The following SV2B variants were observed in gnomAD, a reference collection of about 807,000 sequenced individuals.
SV2B encodes the protein synaptic vesicle glycoprotein 2B.
SV2B carries 41 observed loss-of-function variants against 73.9 expected under a neutral mutation model. That is an observed-to-expected ratio of 0.56 (90% CI 0.43 to 0.72). The LOEUF (loss-of-function observed/expected upper bound fraction) is 0.72, where lower values mean the gene tolerates loss of function less well. SV2B is among the 30% of genes least tolerant of loss of function. SV2B has a pLI of 0.00. For synonymous variants in SV2B, 314 were observed against 314.2 expected (o/e 1.00, Z 0.01); for missense variants, 764 against 857.8 (o/e 0.89, Z 1.37).
chr15:91,158,666 C>CTTCTCTTCTCTTCTT (rs1182339787), intron 1 of SV2B, among the ~76,000 whole-genome samples: 1 of 61,884 alleles, frequency 1.6e-5, no homozygotes. Context: ...CTTCTCTTCT[C>CTTCTCTTCTCTTCTT]TTCTCTTCTC....
At chr15:91,183,663 C>T (rs2044667268) in intron 1 of SV2B, among the ~76,000 whole-genome samples, 1 of 152,222 alleles carries the variant, frequency 6.6e-6, no homozygotes, top group African/African-American at 2.4e-5. Context: ...GCTTCACAGT[C>T]ATTTTGCGAT....
intron 1 of SV2B, among the ~76,000 whole-genome samples, chr15:91,180,184 T>C (rs2044493679): frequency 1.3e-5 from 2 of 152,230 alleles, no homozygotes; most frequent in Non-Finnish European, 2.9e-5. Context: ...AAATTTTGGG[T>C]TGAAAATTCT....
intron 1 of SV2B, among the ~76,000 whole-genome samples, chr15:91,204,414 G>T (rs1053733319): frequency 4.6e-5 from 7 of 152,008 alleles, no homozygotes; most frequent in African/African-American, 1.7e-4. Context: ...TGAAGATGAT[G>T]CCTTTATTTC....
At chr15:91,210,528 G>T (rs1338641751) in intron 1 of SV2B, among the ~76,000 whole-genome samples, 1 of 152,184 alleles carries the variant, frequency 6.6e-6, no homozygotes, top group East Asian at 1.9e-4. Context: ...TTTCTAGCCT[G>T]CCAGCTGCTC....
At chr15:91,177,070 A>G (rs998292468) in intron 1 of SV2B, among the ~76,000 whole-genome samples, 3 of 149,764 alleles carry the variant, frequency 2.0e-5, no homozygotes, top group African/African-American at 7.4e-5. Flanking sequence ...ATTTTTGTAT[A>G]AGGTGTAAGG....
chr15:91,221,693 G>GCGCGCGCGCGCGCACACACACACACA (rs370290337), intron 1 of SV2B, among the ~76,000 whole-genome samples: 1 of 140,066 alleles, frequency 7.1e-6, no homozygotes, highest in African/African-American at 2.8e-5. Context: ...AAGCATGTGC[G>GCGCGCGCGCGCGCACACACACACACA]CACACACACA....
Position 91,300,337 on chromosome 15 carries a change from C to T in SV2B, c.*7785C>T, listed in dbSNP as rs1207484115. Reference sequence around the variant, plus strand: ...ACTCTACCAGACCAAAAGGGTGTCTCTATTTTTTGTTGTTACTTCTCTGTT... The same window carrying T: ...ACTCTACCAGACCAAAAGGGTGTCTTTATTTTTTGTTGTTACTTCTCTGTT... On this transcript the variant is annotated 3_prime_UTR_variant, in exon 13 of 13. Transcript: ENST00000394232. 6.6e-6 allele frequency: 1 copy of T among 152,112 alleles called. No homozygotes were observed. Among genetic ancestry groups the T allele is most frequent in the Non-Finnish European group, 1.5e-5 (1 of 68,016 alleles). 9.4% of individuals were successfully genotyped at this position (152,112 alleles called of 1,614,324 possible).
At chr15:91,260,512 A>G in intron 6 of SV2B, 103 bp downstream of exon 6, 1 of 825,316 alleles carries the variant, frequency 1.2e-6, no homozygotes, top group East Asian at 2.7e-5. Flanking sequence ...TGTCAAAAGG[A>G]GAACAAAGAC....
rs1037639208 is a variant in SV2B, at chr15:91,293,053, C to T, written c.*501C>T. ...TAAAAGTATCACCTATCATATTTTCCACTCGAAAATTGACATAGTAGCATT... is the reference window on the plus strand; with the variant it reads ...TAAAAGTATCACCTATCATATTTTCTACTCGAAAATTGACATAGTAGCATT... On this transcript the variant is annotated 3_prime_UTR_variant, in exon 13 of 13. Transcript: ENST00000394232. 1 of 152,506 alleles carries T rather than the reference C, an allele frequency of 6.6e-6. No homozygotes were observed. The highest frequency in any genetic ancestry group is 2.4e-5 in the African/African-American group (1 of 41,444). The allele number at this position is 152,506 out of a possible 1,614,324, so 9.4% of individuals were successfully genotyped here.
At chr15:91,228,029 G>C (rs1320168994) in intron 2 of SV2B, among the ~76,000 whole-genome samples, 1 of 152,170 alleles carries the variant, frequency 6.6e-6, no homozygotes, top group Non-Finnish European at 1.5e-5. Context: ...TGGTCAGTGG[G>C]CCAGATTTAG....
In SV2B at chr15:91,123,513, C is replaced by G. The variant is rs1416959967; in HGVS notation, c.-392+23150C>G. Among the ~76,000 whole-genome samples the G allele has an allele frequency of 6.6e-6, 1 of 152,140 alleles. No individual in the cohort carries two copies. The highest frequency in any genetic ancestry group is 1.5e-5 in the Non-Finnish European group (1 of 68,038). On this transcript the variant is annotated intron_variant, in intron 1 of 12. Coordinates refer to ENST00000394232, the MANE Select transcript of SV2B (RefSeq NM_001323032.3). The surrounding 1 kb of genome is among the most constrained non-coding windows in gnomAD (Gnocchi z 4.7). ...AGGCCATAAAACCACAGAGCCTGCA[C>G]TTGGGTACCCCGGGAGAACTTAGGG...
chr15:91,194,026 A>G (rs964412281), intron 1 of SV2B, among the ~76,000 whole-genome samples: 3 of 151,394 alleles, frequency 2.0e-5, no homozygotes, highest in Admixed American at 2.0e-4. Flanking sequence ...GTTTGTTTTT[A>G]ATAGGAACCT....
intron 1 of SV2B, among the ~76,000 whole-genome samples, chr15:91,164,154 C>T (rs184055531): frequency 6.6e-6 from 1 of 152,056 alleles, no homozygotes; most frequent in African/African-American, 2.4e-5. Context: ...GAATCAATAT[C>T]GTGAAAATGG....
chr15:91,179,443 A>G (rs1486326789), intron 1 of SV2B, among the ~76,000 whole-genome samples: 1 of 152,004 alleles, frequency 6.6e-6, no homozygotes, highest in Non-Finnish European at 1.5e-5. Flanking sequence ...ATTCCTGGGT[A>G]TCCTTGTTGA....
chr15:91,147,636 C>T (rs1197313482), intron 1 of SV2B, among the ~76,000 whole-genome samples: 1 of 152,218 alleles, frequency 6.6e-6, no homozygotes, highest in East Asian at 1.9e-4. Context: ...TTTTGGAACA[C>T]ACAAGTCAGA....
In SV2B at chr15:91,289,189, G is replaced by T. The variant is rs2048959580; in HGVS notation, c.1709-332G>T. The stretch of plus-strand genomic sequence containing the variant: ...AATACTGATGTAGCTCAAGCACCTA[G>T]AACAATGTCTGGTACATAATAGATT... On this transcript the variant is annotated intron_variant, in intron 11 of 12. Coordinates refer to ENST00000394232, the MANE Select transcript of SV2B (RefSeq NM_001323032.3). The surrounding 1 kb of genome is among the most constrained non-coding windows in gnomAD (Gnocchi z 4.9). Among the ~76,000 whole-genome samples, 1 of 152,288 alleles carries T rather than the reference G, an allele frequency of 6.6e-6. No individual in the cohort carries two copies. Among genetic ancestry groups the T allele is most frequent in the Non-Finnish European group, 1.5e-5 (1 of 68,032 alleles).
intron 1 of SV2B, among the ~76,000 whole-genome samples, chr15:91,127,558 A>C (rs1409126651): frequency 6.6e-6 from 1 of 152,134 alleles, no homozygotes; most frequent in East Asian, 1.9e-4. Flanking sequence ...TGATTTCGGG[A>C]AAGAAAAGCT....
chr15:91,233,992 C>G (rs921418814), intron 2 of SV2B, among the ~76,000 whole-genome samples: 2 of 152,128 alleles, frequency 1.3e-5, no homozygotes, highest in Non-Finnish European at 1.5e-5. Context: ...TTGGGTCAGG[C>G]TACATTTATT....
At chr15:91,144,707 G>A (rs2043095878) in intron 1 of SV2B, among the ~76,000 whole-genome samples, 1 of 152,174 alleles carries the variant, frequency 6.6e-6, no homozygotes, top group Non-Finnish European at 1.5e-5. Context: ...GAGGACACGG[G>A]ATAGAGACGC....
Sources: gnomAD v4.1 joint callset for allele counts (sites outside exome capture counted in the v4.1 genomes callset) on GRCh38, gnomAD v4.1.1 for gene constraint, Gnocchi (gnomAD v3.1) non-coding constraint, MANE v1.5 for transcripts, NCBI Gene and HGNC (gene_info 2026-07-23, HGNC 2026-07-21) for gene names.